ADGRL3: variants seen among roughly 807,000 people sequenced by gnomAD.
ADGRL3 encodes calcium-independent alpha-latrotoxin receptor 3.
A neutral mutation model predicts 153.5 loss-of-function variants in ADGRL3; 62 were observed. That is an observed-to-expected ratio of 0.40 (90% confidence interval 0.33 to 0.50). ADGRL3 has a LOEUF of 0.50. Among genes scored for constraint, ADGRL3 ranks in the 20% least tolerant of loss-of-function variants. ADGRL3 has a pLI of 0.47. For synonymous variants in ADGRL3, 710 were observed against 672.5 expected, an observed-to-expected ratio of 1.06 and a Z score of -0.86; for missense variants, 1,641 against 1,859.4, an observed-to-expected ratio of 0.88 and a Z score of 2.16.
At chr4:62,026,176 A>G (rs1486095672) in intron 21 of ADGRL3, among the ~76,000 whole-genome samples, 1 of 152,154 alleles carries the variant, frequency 6.6e-6, no homozygotes, top group Non-Finnish European at 1.5e-5. Flanking sequence ...AAAAAATTCT[A>G]AAATATTGTG....
At chr4:61,643,876 C>T (rs1313945202) in intron 5 of ADGRL3, among the ~76,000 whole-genome samples, 1 of 148,308 alleles carries the variant, frequency 6.7e-6, no homozygotes, top group Non-Finnish European at 1.5e-5. Flanking sequence ...ACCAGTTCCT[C>T]CTTTTACCTC....
chr4:61,856,143 G>A (rs1228235531), intron 9 of ADGRL3, among the ~76,000 whole-genome samples: 2 of 152,046 alleles, frequency 1.3e-5, no homozygotes, highest in Non-Finnish European at 2.9e-5. Flanking sequence ...TGAGGTGGGA[G>A]GATCACTTGA....
intron 8 of ADGRL3, among the ~76,000 whole-genome samples, chr4:61,769,392 T>A (rs2097052998): frequency 6.6e-6 from 1 of 152,028 alleles, no homozygotes; most frequent in Non-Finnish European, 1.5e-5. Context: ...AGAGGCCGCT[T>A]ACCGGATTTG....
chr4:61,876,595 A>G (rs1361392867), intron 9 of ADGRL3, among the ~76,000 whole-genome samples: 2 of 152,160 alleles, frequency 1.3e-5, no homozygotes, highest in Non-Finnish European at 2.9e-5. Flanking sequence ...TATTCAAACA[A>G]TTAGTGATAT....
At chr4:61,503,757 A>G (rs1432405101) in intron 3 of ADGRL3, among the ~76,000 whole-genome samples, 13 of 152,152 alleles carry the variant, frequency 8.5e-5, no homozygotes, top group Non-Finnish European at 4.4e-5. Context: ...TTATGAATAC[A>G]TAATATTTGT....
At chr4:61,849,047 A>C (rs1180439276) in intron 9 of ADGRL3, among the ~76,000 whole-genome samples, 1 of 152,166 alleles carries the variant, frequency 6.6e-6, no homozygotes, top group Admixed American at 6.5e-5. Flanking sequence ...AGCAAGTTAT[A>C]AGTTATACAC....
chr4:61,652,209 T>A (rs2094284778), intron 5 of ADGRL3, among the ~76,000 whole-genome samples: 1 of 152,210 alleles, frequency 6.6e-6, no homozygotes, highest in Non-Finnish European at 1.5e-5. Flanking sequence ...GAGGTTTTTT[T>A]AAGATACCAA....
At chr4:61,554,934 GA>G (rs2098758383) in intron 4 of ADGRL3, among the ~76,000 whole-genome samples, 1 of 152,170 alleles carries the variant, frequency 6.6e-6, no homozygotes, top group African/African-American at 2.4e-5. Context: ...TTAGACAAAG[GA>G]AAAGGAAGTT....
At chr4:61,698,267 C>T (rs1261996508) in intron 6 of ADGRL3, among the ~76,000 whole-genome samples, 5 of 152,094 alleles carry the variant, frequency 3.3e-5, no homozygotes, top group South Asian at 4.2e-4. Flanking sequence ...CTGGCTAACA[C>T]GGTGAAACCG....
At chr4:61,798,998 AGT>A (rs2097450565) in intron 8 of ADGRL3, among the ~76,000 whole-genome samples, 1 of 66,224 alleles carries the variant, frequency 1.5e-5, no homozygotes, top group Non-Finnish European at 2.9e-5. Flanking sequence ...ATATATAAAC[AGT>A]ATATATATAT....
intron 8 of ADGRL3, among the ~76,000 whole-genome samples, chr4:61,803,524 A>C (rs1580901091): frequency 6.6e-6 from 1 of 151,942 alleles, no homozygotes; most frequent in Admixed American, 6.6e-5. Context: ...TCATTCACTC[A>C]CTCTTTCTTT....
intron 21 of ADGRL3, among the ~76,000 whole-genome samples, chr4:62,007,442 A>G (rs2099165061): frequency 7.5e-6 from 1 of 132,478 alleles, no homozygotes; most frequent in Non-Finnish European, 1.6e-5. Context: ...ATATATATAC[A>G]CACACATATA....
chr4:61,380,589 C>T (rs1430592582), intron 1 of ADGRL3, among the ~76,000 whole-genome samples: 1 of 151,962 alleles, frequency 6.6e-6, no homozygotes, highest in Non-Finnish European at 1.5e-5. Context: ...TTAAAGCAAT[C>T]TAGTACTCAA....
chr4:61,609,114 T>C (rs2099043656), intron 5 of ADGRL3, among the ~76,000 whole-genome samples: 1 of 152,162 alleles, frequency 6.6e-6, no homozygotes, highest in African/African-American at 2.4e-5. Context: ...AAAAAGGAAG[T>C]CACAGCAGGG....
At chr4:61,562,944 C>CAAAAAA (rs35146786) in intron 4 of ADGRL3, among the ~76,000 whole-genome samples, 1 of 105,934 alleles carries the variant, frequency 9.4e-6, no homozygotes, top group African/African-American at 3.4e-5. Flanking sequence ...GACCCTGTCT[C>CAAAAAA]AAAAAAAAAA....
At chr4:61,398,980 G>C (rs1396074084) in intron 2 of ADGRL3, among the ~76,000 whole-genome samples, 2 of 151,502 alleles carry the variant, frequency 1.3e-5, no homozygotes, top group East Asian at 3.9e-4. Context: ...CTGTCTAACT[G>C]CAAAGAAAAG....
chr4:61,950,618 T>A (rs2150344576), intron 17 of ADGRL3, among the ~76,000 whole-genome samples: 1 of 152,328 alleles, frequency 6.6e-6, no homozygotes, highest in South Asian at 2.1e-4. Context: ...GTTCAGGGTA[T>A]ACACACAGAC....
chr4:61,550,180 A>G (rs1228108961), intron 4 of ADGRL3, among the ~76,000 whole-genome samples: 2 of 152,076 alleles, frequency 1.3e-5, no homozygotes, highest in East Asian at 1.9e-4. Flanking sequence ...TTTAATTCAG[A>G]TAGTATATTC....
intron 25 of ADGRL3, among the ~76,000 whole-genome samples, chr4:62,047,962 C>G (rs1732005319): frequency 6.6e-6 from 1 of 152,114 alleles, no homozygotes; most frequent in Admixed American, 6.5e-5. Flanking sequence ...AAGATGAACT[C>G]TAGGCCAGAC....
Sources: allele counts gnomAD v4.1 joint callset (sites outside exome capture counted in the v4.1 genomes callset), GRCh38; gene constraint gnomAD v4.1.1; transcripts MANE v1.5; gene names NCBI Gene and HGNC (gene_info 2026-07-23, HGNC 2026-07-21).